TIAM2: variants seen among roughly 807,000 people sequenced by gnomAD.
TIAM2 encodes TIAM Rac1 associated GEF 2, also known as rho guanine nucleotide exchange factor TIAM2.
A neutral mutation model predicts 152.9 loss-of-function variants in TIAM2; 80 were observed. That is an observed-to-expected ratio of 0.52 (90% CI 0.44 to 0.63). The LOEUF (loss-of-function observed/expected upper bound fraction) is 0.63, where lower values mean the gene tolerates loss of function less well. Among genes scored for constraint, TIAM2 ranks in the 30% least tolerant of loss-of-function variants. TIAM2 has a pLI of 0.00. For missense variants in TIAM2, 1,965 were observed against 2,120.1 expected (o/e 0.93, Z 1.44); for synonymous variants, 804 against 838.0 (o/e 0.96, Z 0.70).
At position 155,256,831 on chromosome 6, in the gene TIAM2, G is replaced by A. The variant is rs144439047; in HGVS notation, c.4816G>A (p.Glu1606Lys). 419 of 1,614,186 alleles carry A rather than the reference G, an allele frequency of 2.6e-4. 2 individuals carry two copies. Among genetic ancestry groups the A allele is most frequent in the South Asian group, 1.8e-3 (162 of 91,080 alleles). ...TTCCGAGGACCCAGACGTTCACCCCGAGGCTGAGCAGCAGCCTGGCCCGGA... is the reference window on the plus strand; with the variant it reads ...TTCCGAGGACCCAGACGTTCACCCCAAGGCTGAGCAGCAGCCTGGCCCGGA... Reference protein sequence around the residue: ...RISEDPDVHPEAEQQPGPESG... With the variant: ...RISEDPDVHPKAEQQPGPESG... Residue 1606 changes from glutamate (E) to lysine (K), a missense_variant, in exon 27 of 27, where the codon GAG becomes AAG. This residue lies in a region of TIAM2 where 935 missense variants were observed against 980.0 expected (regional missense o/e 0.95). Transcript: ENST00000682666.
rs183768635 is a variant in TIAM2 at position 155,069,235 on chromosome 6, C to T, written c.-208-21054C>T. Reference sequence around the variant, plus strand: ...TCAGCCACCCAAGTAGCTGGGATTACAGGTATGTGCCACCACGCCTGACTA... The same window carrying T: ...TCAGCCACCCAAGTAGCTGGGATTATAGGTATGTGCCACCACGCCTGACTA... On this transcript the variant is annotated intron_variant, in intron 1 of 26. Transcript: ENST00000682666. 6.8e-3 allele frequency among the ~76,000 whole-genome samples: 1,037 copies of T among 152,210 alleles called. 9 individuals are homozygous for T. Among genetic ancestry groups the T allele is most frequent in the Non-Finnish European group, 0.012 (800 of 68,000 alleles).
At chr6:155,047,690 AG>A (rs1777215776) in intron 1 of TIAM2, among the ~76,000 whole-genome samples, 2 of 30,720 alleles carry the variant, frequency 6.5e-5, no homozygotes, top group Non-Finnish European at 6.5e-5. Flanking sequence ...GAGAGAGAGG[AG>A]AGAGAGAGAG....
chr6:155,256,223 C>G, intron 26 of TIAM2: 1 of 584,556 alleles, frequency 1.7e-6, no homozygotes, highest in Non-Finnish European at 3.0e-6. Flanking sequence ...GTAGTAGTTT[C>G]TAGTGTCTAG....
intron 1 of TIAM2, among the ~76,000 whole-genome samples, chr6:155,005,546 G>A (rs1417322059): frequency 6.6e-6 from 1 of 151,980 alleles, no homozygotes; most frequent in Non-Finnish European, 1.5e-5. Flanking sequence ...CACCATGTTG[G>A]CCAGGCTGGT....
At chr6:155,155,905 G>C (rs542115546) in intron 7 of TIAM2, among the ~76,000 whole-genome samples, 46 of 152,332 alleles carry the variant, frequency 3.0e-4, no homozygotes, top group African/African-American at 1.1e-3. Flanking sequence ...TGCCCTCAGT[G>C]ACAGTGGCAC....
chr6:155,011,747 G>A (rs1295526137), intron 1 of TIAM2, among the ~76,000 whole-genome samples: 1 of 152,192 alleles, frequency 6.6e-6, no homozygotes, highest in African/African-American at 2.4e-5. Context: ...ACTCTCTTAT[G>A]GGGAGACAGT....
At chr6:155,215,712 A>T (rs1392780112) in intron 15 of TIAM2, among the ~76,000 whole-genome samples, 5 of 142,358 alleles carry the variant, frequency 3.5e-5, no homozygotes, top group African/African-American at 5.2e-5. Context: ...TGGTTTTTTT[A>T]AAAAAAAATT....
intron 4 of TIAM2, among the ~76,000 whole-genome samples, chr6:155,136,182 G>A (rs1441768242): frequency 4.8e-5 from 6 of 125,688 alleles, no homozygotes; most frequent in East Asian, 4.7e-4. Context: ...CAATGAGAGC[G>A]AAACTCCATC....
chr6:155,073,603 G>A (rs925678026), intron 1 of TIAM2, among the ~76,000 whole-genome samples: 14 of 151,988 alleles, frequency 9.2e-5, no homozygotes, highest in African/African-American at 2.9e-4. Flanking sequence ...GGCTTTGGGT[G>A]CCTAACCTGG....
intron 15 of TIAM2, among the ~76,000 whole-genome samples, chr6:155,222,731 G>C (rs751998554): frequency 6.6e-6 from 1 of 151,986 alleles, no homozygotes; most frequent in Non-Finnish European, 1.5e-5. Flanking sequence ...GAAACTCAAG[G>C]GTCCGTCTGA....
intron 1 of TIAM2, among the ~76,000 whole-genome samples, chr6:155,075,104 CT>C (rs1358873732): frequency 6.6e-6 from 1 of 152,048 alleles, no homozygotes; most frequent in Non-Finnish European, 1.5e-5. Flanking sequence ...ATCCTGGCTA[CT>C]CCAGGTTACT....
Position 155,256,897 on chromosome 6 carries a change from G to T in TIAM2, c.4882G>T (p.Val1628Phe). Residue 1628 changes from valine to phenylalanine, a missense_variant, in exon 27 of 27, where the codon GTC becomes TTC. By Grantham distance (50) the Val-to-Phe change is conservative (BLOSUM62 -1). Transcript: ENST00000682666. ...GAAAGGAGGAGAGCAGCCCAAACTG[G>T]TCCGGGGGCACTTCTGCCCCATTAA... ...GQKGGEQPKL[V>F]RGHFCPIKRK... 2.5e-6 allele frequency: 4 copies of T among 1,614,176 alleles called. No individual in the cohort carries two copies. Among genetic ancestry groups the T allele is most frequent in the Non-Finnish European group, 3.4e-6 (4 of 1,180,034 alleles).
intron 1 of TIAM2, among the ~76,000 whole-genome samples, chr6:155,060,513 G>T (rs1238035496): frequency 6.6e-6 from 1 of 152,184 alleles, no homozygotes; most frequent in Non-Finnish European, 1.5e-5. Context: ...TATAAGTATG[G>T]AGTCATAGCC....
intron 9 of TIAM2, among the ~76,000 whole-genome samples, chr6:155,170,525 T>A (rs906705302): frequency 6.6e-6 from 1 of 152,130 alleles, no homozygotes; most frequent in Non-Finnish European, 1.5e-5. Context: ...TGCTTGAGCC[T>A]GGGAGGCAGA....
intron 1 of TIAM2, among the ~76,000 whole-genome samples, chr6:155,058,895 A>T (rs1777507789): frequency 6.6e-6 from 1 of 152,222 alleles, no homozygotes; most frequent in African/African-American, 2.4e-5. Context: ...GCTATGATAG[A>T]AGCACAGAGG....
rs1783677171 is a variant in TIAM2 at position 155,251,859 on chromosome 6, T to C, written c.4061-86T>C. 5 of 1,040,766 alleles carry C rather than the reference T, an allele frequency of 4.8e-6. No individual in the cohort carries two copies. The Admixed American group carries it at 1.2e-4, about 25-fold the overall frequency. 64.5% of individuals were successfully genotyped at this position (1,040,766 alleles called of 1,614,324 possible). A position where few individuals can be genotyped will look rare whatever the true frequency, so the allele number is the denominator to read the frequency against. ...TAGAGACTCATACGTTTGGAGAGTG[T>C]TACTCTGTTAAGACGTTCAGCTCTA... On this transcript the variant is annotated intron_variant, in intron 22 of 26. Transcript: ENST00000682666.
Position 155,248,046 on chromosome 6 carries a change from C to A in TIAM2, c.3699C>A (p.Pro1233=). ...AGGCTTTTCTGGACGCCCGGAACCC[C>A]ACCAAGCAGCATTCCTCCACGCTGG... ...AFKAFLDARN[P]TKQHSSTLES... Residue 1233 remains proline, a synonymous_variant, in exon 20 of 27, where the codon CCC becomes CCA. Coordinates refer to ENST00000682666, the MANE Select transcript of TIAM2 (RefSeq NM_012454.4). 1 of 1,614,212 alleles carries A rather than the reference C, an allele frequency of 6.2e-7. No homozygotes were observed. Among genetic ancestry groups the A allele is most frequent in the Non-Finnish European group, 8.5e-7 (1 of 1,180,026 alleles).
rs564989557 is a variant in TIAM2 at position 155,046,981 on chromosome 6, T to C, written c.-208-43308T>C. Among the ~76,000 whole-genome samples the C allele has an allele frequency of 2.0e-5, 3 of 152,364 alleles. No individual in the cohort carries two copies. In the East Asian group the frequency reaches 5.8e-4, roughly 29 times the overall value. Reference sequence around the variant, plus strand: ...TTTTATTCAGATTTGTGAAGATATATGTTTGGGGTAAGGAAGCGAGAGGGA... The same window carrying C: ...TTTTATTCAGATTTGTGAAGATATACGTTTGGGGTAAGGAAGCGAGAGGGA... On this transcript the variant is annotated intron_variant, in intron 1 of 26. Coordinates refer to ENST00000682666, the MANE Select transcript of TIAM2 (RefSeq NM_012454.4).
At position 155,129,873 on chromosome 6, in the gene TIAM2, G is replaced by A. The variant is rs776627106; in HGVS notation, c.650G>A (p.Gly217Glu). 2.5e-6 allele frequency: 4 copies of A among 1,613,556 alleles called. No individual in the cohort carries two copies. In the African/African-American group the frequency reaches 4.0e-5, roughly 16 times the overall value. The change falls in exon 4 of 27, where the codon GGG (glycine) becomes GAG (glutamate). Residue 217 changes from glycine (G) to glutamate (E), a missense_variant. By Grantham distance (98) the Gly-to-Glu change is moderately conservative. This residue lies in a region of TIAM2 where 1,025 missense variants were observed against 1,119.4 expected (regional missense o/e 0.92). Coordinates refer to ENST00000682666, the MANE Select transcript of TIAM2 (RefSeq NM_012454.4). The surrounding 1 kb of genome is among the most constrained non-coding windows in gnomAD (Gnocchi z 4.8). ...TCCCCTGTGCCTGAAGCCAGGAGGG[G>A]GTCCAGCGCCGATTCCCTGCCCAGC... ...ETSPVPEARR[G>E]SSADSLPSHR...
Sources: gnomAD v4.1 joint callset for allele counts (sites outside exome capture counted in the v4.1 genomes callset) on GRCh38, gnomAD v4.1.1 for gene constraint, gnomAD v4.1.1 regional missense constraint, Gnocchi (gnomAD v3.1) non-coding constraint, MANE v1.5 for transcripts, NCBI Gene and HGNC (gene_info 2026-07-23, HGNC 2026-07-21) for gene names.